AMBRA1: variants seen among roughly 807,000 people sequenced by gnomAD.
The protein encoded by AMBRA1 is activating molecule in BECN1-regulated autophagy protein 1.
A neutral mutation model predicts 125.4 loss-of-function variants in AMBRA1; 47 were observed. The ratio of observed to expected loss-of-function variants is 0.37; its 90% CI spans 0.30 to 0.48. The LOEUF (loss-of-function observed/expected upper bound fraction) is 0.48. AMBRA1 is among the 20% of genes least tolerant of loss of function. The pLI is 0.99. For missense variants in AMBRA1, 1,331 were observed against 1,693.4 expected, an observed-to-expected ratio of 0.79 and a Z score of 3.76; for synonymous variants, 626 against 655.5, an observed-to-expected ratio of 0.95 and a Z score of 0.69.
chr11:46,571,466 A>G (rs990345588), intron 1 of AMBRA1, among the ~76,000 whole-genome samples: 4 of 152,008 alleles, frequency 2.6e-5, no homozygotes, highest in African/African-American at 7.2e-5. Flanking sequence ...TTTGAGCCCT[A>G]AAGTCCGAGA....
intron 11 of AMBRA1, among the ~76,000 whole-genome samples, chr11:46,469,218 CG>C (rs1417890561): frequency 6.6e-6 from 1 of 152,134 alleles, no homozygotes; most frequent in Non-Finnish European, 1.5e-5. Flanking sequence ...CTATATCTAA[CG>C]TATTTTCATT....
intron 11 of AMBRA1, among the ~76,000 whole-genome samples, chr11:46,471,032 G>C (rs1949565310): frequency 6.6e-6 from 1 of 152,182 alleles, no homozygotes; most frequent in South Asian, 2.1e-4. Flanking sequence ...ATTTCTGATA[G>C]GGTAGTTGCT....
chr11:46,543,528 T>G, intron 6 of AMBRA1, 130 bp from the exon 7 acceptor site: 8 of 1,195,128 alleles, frequency 6.7e-6, no homozygotes, highest in Non-Finnish European at 9.3e-6. Flanking sequence ...GAAACAACTC[T>G]CTACCCCTGA....
At chr11:46,429,445 G>C (rs1177172438) in intron 14 of AMBRA1, among the ~76,000 whole-genome samples, 1 of 152,146 alleles carries the variant, frequency 6.6e-6, no homozygotes, top group Admixed American at 6.5e-5. Flanking sequence ...GGGAGGTGGG[G>C]GGGTGGTCCA....
chr11:46,441,331 T>A (rs776073585), intron 12 of AMBRA1, among the ~76,000 whole-genome samples: 1 of 152,088 alleles, frequency 6.6e-6, no homozygotes, highest in South Asian at 2.1e-4. Flanking sequence ...CTGGCCAATA[T>A]GGCAAAACCC....
chr11:46,415,068 G>A (rs1442837916), intron 15 of AMBRA1, among the ~76,000 whole-genome samples: 1 of 152,088 alleles, frequency 6.6e-6, no homozygotes, highest in Non-Finnish European at 1.5e-5. Context: ...AGGGAGGGCT[G>A]CAATCTTGGC....
At chr11:46,401,779 C>T (rs1336327853) in intron 17 of AMBRA1, among the ~76,000 whole-genome samples, 1 of 152,246 alleles carries the variant, frequency 6.6e-6, no homozygotes. Flanking sequence ...CCCCTTCCGT[C>T]TAGTCTCCAC....
At chr11:46,590,106 C>T (rs148620140) in intron 1 of AMBRA1, among the ~76,000 whole-genome samples, 2 of 152,014 alleles carry the variant, frequency 1.3e-5, no homozygotes, top group African/African-American at 4.8e-5. Flanking sequence ...AGCGAGGTGG[C>T]TCATGCCTGT....
intron 11 of AMBRA1, among the ~76,000 whole-genome samples, chr11:46,455,411 A>G (rs1349365122): frequency 1.3e-5 from 2 of 152,332 alleles, no homozygotes; most frequent in Middle Eastern, 3.4e-3. Context: ...ATATAAGCAG[A>G]ATCATTTACT....
intron 11 of AMBRA1, among the ~76,000 whole-genome samples, chr11:46,489,227 C>T (rs574974420): frequency 4.3e-4 from 66 of 152,270 alleles, no homozygotes; most frequent in Middle Eastern, 6.8e-3. Flanking sequence ...CTCTCCCCAC[C>T]CCACAACAGG....
At chr11:46,447,068 A>C (rs1010763182) in intron 11 of AMBRA1, among the ~76,000 whole-genome samples, 8 of 152,200 alleles carry the variant, frequency 5.3e-5, no homozygotes, top group Non-Finnish European at 8.8e-5. Flanking sequence ...AAAGGGTATA[A>C]TAGTACCTAC....
At chr11:46,547,002 C>T (rs1052894386) in intron 4 of AMBRA1, 111 bp downstream of exon 4, 12 of 980,016 alleles carry the variant, frequency 1.2e-5, no homozygotes, top group South Asian at 5.3e-5. Flanking sequence ...ACCTGGGAGA[C>T]GGAGGTTGCA....
chr11:46,410,484 TG>T, intron 15 of AMBRA1, 116 bp from the exon 16 acceptor site: 2 of 878,650 alleles, frequency 2.3e-6, no homozygotes, highest in Non-Finnish European at 3.7e-6. Context: ...TTCTCTCTCC[TG>T]GGGCTGAGCT....
rs564199873 is a variant in AMBRA1, at chr11:46,439,489, TG to T, written c.2632+3998del. ...TAGTTGGGACAAGTGAGTAGCCATA[TG>T]GGGGGGAAATTGGATCATACTTTGA... On this transcript the variant is annotated intron_variant, in intron 12 of 17. Transcript: ENST00000683756. Among the ~76,000 whole-genome samples the T allele has an allele frequency of 2.0e-5, 3 of 152,166 alleles. No individual in the cohort carries two copies. The South Asian group carries it at 6.2e-4, about 32-fold the overall frequency.
At chr11:46,546,828 T>G (rs1201884861) in intron 4 of AMBRA1, among the ~76,000 whole-genome samples, 1 of 152,134 alleles carries the variant, frequency 6.6e-6, no homozygotes, top group Non-Finnish European at 1.5e-5. Flanking sequence ...CCCAGCACTT[T>G]GGGAGGCCGA....
intron 9 of AMBRA1, among the ~76,000 whole-genome samples, chr11:46,503,076 A>G (rs1013441801): frequency 2.6e-5 from 4 of 151,604 alleles, no homozygotes; most frequent in African/African-American, 7.3e-5. Context: ...AAAAAAAAAA[A>G]AAAAAAAAAA....
At position 46,434,874 on chromosome 11, in the gene AMBRA1, G is replaced by A. The variant is rs367938170; in HGVS notation, c.2796C>T (p.Gly932=). 105 of 1,611,200 alleles carry A rather than the reference G, an allele frequency of 6.5e-5. No homozygotes were observed. Among genetic ancestry groups the A allele is most frequent in the Non-Finnish European group, 8.4e-5 (99 of 1,178,958 alleles). ...CAAATCGCTTGGTGTAGAGCATTTC[G>A]CCCAGGTTATGGGGGGCCAGGGAGT... ...AVYSLAPHNL[G]EMLYTKRFGP... The change falls in exon 13 of 18, where the codon GGC becomes GGT. Residue 932 remains glycine, a synonymous_variant. Transcript: ENST00000683756.
At chr11:46,573,087 GC>G in intron 1 of AMBRA1, among the ~76,000 whole-genome samples, 1 of 142,406 alleles carries the variant, frequency 7.0e-6, no homozygotes, top group East Asian at 2.0e-4. Flanking sequence ...GGCAACAAGA[GC>G]AAAACTCTGT....
Position 46,397,876 on chromosome 11 carries a change from C to T in AMBRA1, c.3471G>A (p.Glu1157=). ...GCTGCACCACGGCTGTCATGCCGCC[C>T]TCCGCCATCAGCCTCTGGATCCTGC... ...ALSRIQRLMA[E]GGMTAVVQRE... Residue 1157 remains glutamate (E), a synonymous_variant, in exon 18 of 18, where the codon GAG becomes GAA. Transcript: ENST00000683756. The T allele has an allele frequency of 1.9e-6, 3 of 1,600,174 alleles. No homozygotes were observed. The highest frequency in any genetic ancestry group is 2.5e-6 in the Non-Finnish European group (3 of 1,179,934).
Sources: gnomAD v4.1 joint callset for allele counts (sites outside exome capture counted in the v4.1 genomes callset) on GRCh38, gnomAD v4.1.1 for gene constraint, MANE v1.5 for transcripts, NCBI Gene and HGNC (gene_info 2026-07-23, HGNC 2026-07-21) for gene names.